FRMD4A: variants seen among roughly 807,000 people sequenced by gnomAD.
FRMD4A encodes the protein FERM domain containing 4A.
FRMD4A carries 29 observed loss-of-function variants against 129.1 expected under a neutral mutation model. The ratio of observed to expected loss-of-function variants is 0.22; its 90% CI spans 0.17 to 0.31. The LOEUF is 0.31. Ranked by LOEUF, FRMD4A falls within the 10% of genes least tolerant of loss-of-function variation. FRMD4A has a pLI of 1.00. For synonymous variants in FRMD4A, 634 were observed against 571.6 expected, an observed-to-expected ratio of 1.11 and a Z score of -1.56; for missense variants, 1,272 against 1,375.8, an observed-to-expected ratio of 0.92 and a Z score of 1.19.
chr10:13,968,373 C>T (rs2095498007), intron 2 of FRMD4A, among the ~76,000 whole-genome samples: 1 of 152,222 alleles, frequency 6.6e-6, no homozygotes, highest in South Asian at 2.1e-4. Flanking sequence ...TCAAAGACAG[C>T]TAAAATACAA....
At chr10:13,750,106 A>AAGAAAG (rs2091521351) in intron 8 of FRMD4A, among the ~76,000 whole-genome samples, 1 of 23,540 alleles carries the variant, frequency 4.2e-5, no homozygotes, top group Admixed American at 4.4e-4. Context: ...GAAAGAAAGA[A>AAGAAAG]ATGAAGAAAG....
intron 2 of FRMD4A, among the ~76,000 whole-genome samples, chr10:13,957,598 A>G (rs2095417528): frequency 6.6e-6 from 1 of 152,194 alleles, no homozygotes; most frequent in African/African-American, 2.4e-5. Flanking sequence ...AACAGAGTCC[A>G]GAGAAAAAGG....
At chr10:14,184,133 T>C (rs867259020) in intron 2 of FRMD4A, among the ~76,000 whole-genome samples, 22,738 of 117,228 alleles carry the variant, frequency 0.19, 1,409 homozygotes, top group Admixed American at 0.22. Flanking sequence ...TTCTTTTTTT[T>C]TTTTTTTTTT....
chr10:14,104,308 A>G (rs10906597), intron 2 of FRMD4A, among the ~76,000 whole-genome samples: 100,960 of 151,902 alleles, frequency 0.66, 33,693 homozygotes, highest in East Asian at 0.78. Context: ...TTACACCGCC[A>G]TCAAGGTCTA....
chr10:13,674,839 A>G, intron 16 of FRMD4A, 72 bp downstream of exon 16: 1 of 1,484,600 alleles, frequency 6.7e-7, no homozygotes, highest in Non-Finnish European at 9.4e-7. Flanking sequence ...CAAAAAGATC[A>G]AATGACATCA....
At position 13,958,507 on chromosome 10, in the gene FRMD4A, T is replaced by C. The variant is rs2095424838; in HGVS notation, c.46-99595A>G. On this transcript the variant is annotated intron_variant, in intron 2 of 24. Transcript: ENST00000357447. ...ACCGTGTTAGCCAGGATGGTCTTGA[T>C]CTCTTGACCTTGTGATCCGCCCGCC... is the stretch of plus-strand genomic sequence containing the variant. Among the ~76,000 whole-genome samples the C allele has an allele frequency of 2.0e-5, 3 of 152,082 alleles. No homozygotes were observed. In the South Asian group the frequency reaches 6.2e-4, roughly 32 times the overall value.
chr10:14,264,016 A>C (rs1285849958), intron 2 of FRMD4A, among the ~76,000 whole-genome samples: 2 of 152,182 alleles, frequency 1.3e-5, no homozygotes, highest in South Asian at 4.1e-4. Context: ...CATTAATTAC[A>C]TGTCTCCTTG....
chr10:13,973,246 T>C (rs1292527176), intron 2 of FRMD4A, among the ~76,000 whole-genome samples: 1 of 152,262 alleles, frequency 6.6e-6, no homozygotes, highest in African/African-American at 2.4e-5. Context: ...CCACTGATAA[T>C]ATGAAACCCT....
chr10:14,319,850 T>G (rs1846906636), intron 2 of FRMD4A, among the ~76,000 whole-genome samples: 1 of 152,260 alleles, frequency 6.6e-6, no homozygotes, highest in African/African-American at 2.4e-5. Flanking sequence ...CACCTTCACC[T>G]CTGTAGTCCT....
chr10:14,278,215 G>A (rs1011429348), intron 2 of FRMD4A, among the ~76,000 whole-genome samples: 2 of 152,188 alleles, frequency 1.3e-5, no homozygotes, highest in Non-Finnish European at 2.9e-5. Flanking sequence ...CCAAGGAACA[G>A]CCTGTCCTTG....
intron 6 of FRMD4A, among the ~76,000 whole-genome samples, chr10:13,769,623 A>C (rs897641144): frequency 2.6e-5 from 4 of 152,100 alleles, no homozygotes; most frequent in Non-Finnish European, 5.9e-5. Context: ...AGTTGCCCAG[A>C]TTAAACAGTT....
chr10:14,139,578 T>C (rs907212713), intron 2 of FRMD4A, among the ~76,000 whole-genome samples: 1 of 151,844 alleles, frequency 6.6e-6, no homozygotes, highest in African/African-American at 2.4e-5. Flanking sequence ...GCCTCCCAAG[T>C]AGCTGGGACC....
chr10:13,893,225 C>A (rs139365023), intron 2 of FRMD4A, among the ~76,000 whole-genome samples: 1 of 152,030 alleles, frequency 6.6e-6, no homozygotes, highest in African/African-American at 2.4e-5. Flanking sequence ...TTTGTAGAGA[C>A]GGGATCTTGT....
At chr10:14,109,624 AT>A (rs1191504446) in intron 2 of FRMD4A, among the ~76,000 whole-genome samples, 1 of 152,168 alleles carries the variant, frequency 6.6e-6, no homozygotes, top group Non-Finnish European at 1.5e-5. Flanking sequence ...TTCATCAAGA[AT>A]TTGTGTCAAC....
At chr10:13,905,098 T>C (rs1414136145) in intron 2 of FRMD4A, among the ~76,000 whole-genome samples, 2 of 151,964 alleles carry the variant, frequency 1.3e-5, no homozygotes, top group African/African-American at 4.8e-5. Flanking sequence ...TCTGGAACTG[T>C]GACCACTGTT....
intron 2 of FRMD4A, among the ~76,000 whole-genome samples, chr10:14,293,484 A>C (rs1480163682): frequency 1.3e-5 from 2 of 152,242 alleles, no homozygotes; most frequent in Non-Finnish European, 2.9e-5. Context: ...ACAAAAGAGT[A>C]AATGCAAATG....
chr10:13,914,931 G>A (rs184394112), intron 2 of FRMD4A, among the ~76,000 whole-genome samples: 15 of 152,138 alleles, frequency 9.9e-5, no homozygotes, highest in Non-Finnish European at 5.9e-5. Flanking sequence ...GGAGTATTGC[G>A]TGAGCCCATG....
At chr10:13,723,764 G>A (rs1401254487) in intron 12 of FRMD4A, among the ~76,000 whole-genome samples, 2 of 152,210 alleles carry the variant, frequency 1.3e-5, no homozygotes, top group Non-Finnish European at 2.9e-5. Context: ...CAGGGGGAAG[G>A]TAGAAGATGT....
At chr10:14,216,838 G>T (rs995979832) in intron 2 of FRMD4A, among the ~76,000 whole-genome samples, 1 of 152,078 alleles carries the variant, frequency 6.6e-6, no homozygotes, top group Non-Finnish European at 1.5e-5. Context: ...GGCAAGGAGG[G>T]TCTCCACCAG....
Sources: allele counts gnomAD v4.1 joint callset (sites outside exome capture counted in the v4.1 genomes callset), GRCh38; gene constraint gnomAD v4.1.1; transcripts MANE v1.5; gene names NCBI Gene and HGNC (gene_info 2026-07-23, HGNC 2026-07-21).